The following ATM variants were observed in gnomAD, a reference collection of about 807,000 sequenced individuals.
The protein encoded by ATM is serine-protein kinase ATM.
A neutral mutation model predicts 387.0 loss-of-function variants in ATM; 308 were observed. The ratio of observed to expected loss-of-function variants is 0.80; its 90% CI spans 0.73 to 0.87. The LOEUF is 0.87. ATM is among the 40% of genes least tolerant of loss of function. The pLI is 0.00. For synonymous variants in ATM, 1,156 were observed against 1,187.3 expected, an observed-to-expected ratio of 0.97 and a Z score of 0.54; for missense variants, 3,312 against 3,560.9, an observed-to-expected ratio of 0.93 and a Z score of 1.78.
Position 108,313,661 on chromosome 11 carries a change from TG to T in ATM, c.6006+1164del, listed in dbSNP as rs376283950. On this transcript the variant is annotated intron_variant, in intron 40 of 62. Coordinates refer to ENST00000675843, the MANE Select transcript of ATM (RefSeq NM_000051.4). Reference sequence around the variant, plus strand: ...TCTCTACTGAGTTTTTGGAATATCGTGTGTGTACTAAGCACTGTGCTAAGCA... The same window carrying T: ...TCTCTACTGAGTTTTTGGAATATCGTTGTGTACTAAGCACTGTGCTAAGCA... Among the ~76,000 whole-genome samples the T allele has an allele frequency of 1.2e-3, 186 of 152,316 alleles. 1 individual carries two copies. The highest frequency in any genetic ancestry group is 4.3e-3 in the African/African-American group (180 of 41,568).
Position 108,317,615 on chromosome 11 carries a change from TTATATATATATATATATATATA to T in ATM, c.6347+111_6347+132del, listed in dbSNP as rs376158749. ...TTCTATGAATATAACAGGAGTTGTTTTATATATATATATATATATATATATATATATATATATACACACACAC... is the reference window on the plus strand; with the variant it reads ...TTCTATGAATATAACAGGAGTTGTTTTATATATATATATATACACACACAC... On this transcript the variant is annotated intron_variant, in intron 43 of 62. Transcript: ENST00000675843. 1,310 of 215,362 alleles carry T rather than the reference TTATATATATATATATATATATA, an allele frequency of 6.1e-3. 176 individuals are homozygous for T. Among genetic ancestry groups the T allele is most frequent in the Non-Finnish European group, 8.7e-3 (1,060 of 121,504 alleles). 13.3% of individuals were successfully genotyped at this position (215,362 alleles called of 1,614,324 possible). A position where few individuals can be genotyped will look rare whatever the true frequency, so the allele number is the denominator to read the frequency against.
chr11:108,301,270 T>C (rs2083417899), intron 34 of ATM, among the ~76,000 whole-genome samples: 1 of 152,192 alleles, frequency 6.6e-6, no homozygotes, highest in Non-Finnish European at 1.5e-5. Context: ...TATTTTTCTT[T>C]AACAGGGAAA....
At chr11:108,338,024 CACA>C (rs1233864519) in intron 56 of ATM, among the ~76,000 whole-genome samples, 2 of 152,236 alleles carry the variant, frequency 1.3e-5, no homozygotes, top group African/African-American at 4.8e-5. Context: ...CTAGTTTTCA[CACA>C]AAACTATTTT....
chr11:108,243,494 T>C (rs2079669499), intron 5 of ATM, among the ~76,000 whole-genome samples: 1 of 151,896 alleles, frequency 6.6e-6, no homozygotes, highest in Admixed American at 6.6e-5. Context: ...GCGCCTGTGG[T>C]CCCAGCTACT....
intron 8 of ATM, 92 bp from the exon 9 acceptor site, chr11:108,248,841 T>G (rs2135286875): frequency 4.6e-6 from 5 of 1,082,364 alleles, no homozygotes; most frequent in Non-Finnish European, 5.3e-6. Flanking sequence ...TGATACGAGA[T>G]CGTGCTGTTC....
At position 108,343,246 on chromosome 11, in the gene ATM, G is replaced by A. The variant is rs748634900; in HGVS notation, c.8293G>A (p.Gly2765Ser). The change falls in exon 57 of 63, where the codon GGT becomes AGT. Residue 2765 changes from glycine (G) to serine (S), a missense_variant. Around this residue, in one of 4 missense-constraint regions of ATM, gnomAD observed 1,405 missense variants for 1,604.4 expected, o/e 0.88. Transcript: ENST00000675843. The stretch of plus-strand genomic sequence containing the variant: ...GGTGGTTCCCCTCTCTCAGCGAAGT[G>A]GTGTTCTTGAATGGTGCACAGGAAC... ...YKVVPLSQRS[G>S]VLEWCTGTVP... The A allele has an allele frequency of 4.3e-6, 7 of 1,613,958 alleles. No individual in the cohort carries two copies. Among genetic ancestry groups the A allele is most frequent in the Non-Finnish European group, 5.9e-6 (7 of 1,179,912 alleles).
intron 9 of ATM, among the ~76,000 whole-genome samples, chr11:108,249,821 T>C (rs1354637670): frequency 1.3e-5 from 2 of 152,202 alleles, no homozygotes; most frequent in Non-Finnish European, 2.9e-5. Flanking sequence ...CATATTGATT[T>C]AGATACCTAT....
intron 61 of ATM, among the ~76,000 whole-genome samples, chr11:108,363,993 T>A (rs2091073508): frequency 6.6e-6 from 1 of 152,162 alleles, no homozygotes; most frequent in South Asian, 2.1e-4. Context: ...AGTGCCCAAC[T>A]TGAAGTCACA....
intron 56 of ATM, 89 bp from the exon 57 acceptor site, chr11:108,343,133 T>A (rs2136932335): frequency 1.3e-6 from 2 of 1,522,646 alleles, no homozygotes; most frequent in Admixed American, 3.4e-5. Context: ...TGAAAAAAAA[T>A]GCTTTGCACT....
In ATM at chr11:108,325,447, A is replaced by T. The variant is rs35118109; in HGVS notation, c.6710A>T (p.Lys2237Met). 1 of 1,613,838 alleles carries T rather than the reference A, an allele frequency of 6.2e-7. No homozygotes were observed. The highest frequency in any genetic ancestry group is 1.7e-5 in the Admixed American group (1 of 60,016). ...GTCATTTTGGAGATCCTGATGGAAAAGGAAATGGACAACTCACAAAGAGAA... is the reference window on the plus strand; with the variant it reads ...GTCATTTTGGAGATCCTGATGGAAATGGAAATGGACAACTCACAAAGAGAA... ...RTVILEILME[K>M]EMDNSQRECI... Residue 2237 changes from lysine to methionine, a missense_variant, in exon 46 of 63, where the codon AAG becomes ATG. By Grantham distance (95) the Lys-to-Met change is moderately conservative (BLOSUM62 -1). Transcript: ENST00000675843.
intron 15 of ATM, among the ~76,000 whole-genome samples, chr11:108,258,220 T>C (rs988567915): frequency 1.3e-5 from 2 of 152,208 alleles, no homozygotes; most frequent in Non-Finnish European, 2.9e-5. Context: ...TACAAATTGA[T>C]TTAAAATTCA....
Position 108,293,509 on chromosome 11 carries a change from A to G in ATM, c.4776+32A>G, listed in dbSNP as rs761092061. ...AAAATTTCATCATCTACTATTTTTT[A>G]TTAGAGAACATAGTAGTACTTTTCA... is the stretch of plus-strand genomic sequence containing the variant. On this transcript the variant is annotated intron_variant, in intron 31 of 62. Transcript: ENST00000675843. 8 of 1,543,688 alleles carry G rather than the reference A, an allele frequency of 5.2e-6. No homozygotes were observed. The East Asian group carries it at 1.6e-4, about 30-fold the overall frequency.
At position 108,249,075 on chromosome 11, in the gene ATM, C is replaced by A. The variant is rs747563556; in HGVS notation, c.1208C>A (p.Ser403Ter). The A allele has an allele frequency of 6.2e-7, 1 of 1,613,812 alleles. No individual in the cohort carries two copies. The highest frequency in any genetic ancestry group is 1.3e-5 in the African/African-American group (1 of 74,892). The change falls in exon 9 of 63, where the codon TCA (serine) becomes TAA (stop). Residue 403 changes from serine to a stop codon, truncating the protein, a stop_gained. Transcript: ENST00000675843. LOFTEE classifies it high-confidence loss of function. ...GTAATAAAAGATCACCTTCAGAAGT[C>A]ACAGAATGATTTTGATCTTGTGCCT... ...WEVIKDHLQKSQNDFDLVPWL... is the reference protein window; with the variant it reads ...WEVIKDHLQK
intron 4 of ATM, among the ~76,000 whole-genome samples, chr11:108,232,365 C>T (rs1006726389): frequency 2.6e-5 from 4 of 151,170 alleles, no homozygotes; most frequent in Non-Finnish European, 5.9e-5. Context: ...TTGTTTTTTA[C>T]GAAAAGATTG....
chr11:108,234,298 C>T (rs1346982727), intron 4 of ATM, among the ~76,000 whole-genome samples: 1 of 152,056 alleles, frequency 6.6e-6, no homozygotes, highest in Non-Finnish European at 1.5e-5. Context: ...ATAGGAAAAC[C>T]CTAATCCAGA....
chr11:108,246,271 T>A (rs1006782260), intron 7 of ATM, among the ~76,000 whole-genome samples: 5 of 152,186 alleles, frequency 3.3e-5, no homozygotes, highest in African/African-American at 1.2e-4. Context: ...TCACCTCTTA[T>A]CTCCAGGATG....
At chr11:108,329,477 G>A (rs943263069) in intron 49 of ATM, among the ~76,000 whole-genome samples, 1 of 151,660 alleles carries the variant, frequency 6.6e-6, no homozygotes, top group African/African-American at 2.4e-5. Flanking sequence ...CGTGATCACT[G>A]TACTCCAGCT....
chr11:108,357,925 A>G (rs1237594247), intron 61 of ATM, among the ~76,000 whole-genome samples: 1 of 150,824 alleles, frequency 6.6e-6, no homozygotes, highest in African/African-American at 2.4e-5. Context: ...CTCACCAGCA[A>G]CGGAACAAAG....
chr11:108,363,623 C>A (rs946548715), intron 61 of ATM, among the ~76,000 whole-genome samples: 1 of 152,128 alleles, frequency 6.6e-6, no homozygotes, highest in African/African-American at 2.4e-5. Context: ...TACAAGTTAG[C>A]CCCCACAGCA....
Sources: allele counts gnomAD v4.1 joint callset (sites outside exome capture counted in the v4.1 genomes callset), GRCh38; gene constraint gnomAD v4.1.1; regional missense constraint gnomAD v4.1.1; transcripts MANE v1.5; gene names NCBI Gene and HGNC (gene_info 2026-07-23, HGNC 2026-07-21).